TNFSF4: variants seen among roughly 807,000 people sequenced by gnomAD.
TNFSF4 encodes TNF superfamily member 4, also known as tumor necrosis factor ligand superfamily member 4.
In TNFSF4, 4 loss-of-function variants were observed where a neutral mutation model predicts 7.3. The ratio of observed to expected loss-of-function variants is 0.55; its 90% CI spans 0.27 to 1.25. TNFSF4 has a LOEUF of 1.25. TNFSF4 is among the 50% of genes most tolerant of loss of function. The probability of loss-of-function intolerance (pLI) is 0.12; values close to 1 mark genes in which losing one functional copy is unlikely to be tolerated. For synonymous variants in TNFSF4, 76 were observed against 83.7 expected (o/e 0.91, Z 0.50); for missense variants, 181 against 208.8 (o/e 0.87, Z 0.82).
chr1:173,364,655 G>A, the TNFSF4 span, among the ~76,000 whole-genome samples: 1 of 151,930 alleles, frequency 6.6e-6, no homozygotes, highest in African/African-American at 2.4e-5. Flanking sequence ...AATCAGGATC[G>A]CATTACAATT....
the TNFSF4 span, chr1:173,418,344 T>G: frequency 3.9e-5 from 6 of 152,238 alleles, no homozygotes; most frequent in Non-Finnish European, 8.8e-5. Flanking sequence ...CCCTATAGTA[T>G]GGGTGTGCAT....
chr1:173,284,727 G>T, the TNFSF4 span, among the ~76,000 whole-genome samples: 1 of 152,172 alleles, frequency 6.6e-6, no homozygotes, highest in South Asian at 2.1e-4. Flanking sequence ...GAACAACAAA[G>T]GCTGAATGAC....
chr1:173,371,228 T>C, the TNFSF4 span, among the ~76,000 whole-genome samples: 1 of 152,236 alleles, frequency 6.6e-6, no homozygotes, highest in East Asian at 1.9e-4. Context: ...ATCTGAGGAA[T>C]CCTGGGACAG....
At chr1:173,259,855 A>AAACC in the TNFSF4 span, among the ~76,000 whole-genome samples, 1 of 152,180 alleles carries the variant, frequency 6.6e-6, no homozygotes, top group Non-Finnish European at 1.5e-5. Context: ...TAAAAAGACC[A>AAACC]AACCTACAAC....
At chr1:173,303,543 C>T in the TNFSF4 span, among the ~76,000 whole-genome samples, 1 of 151,882 alleles carries the variant, frequency 6.6e-6, no homozygotes, top group East Asian at 1.9e-4. Flanking sequence ...TCCGAGATGA[C>T]GGCGCTCCTG....
At chr1:173,309,548 G>A in the TNFSF4 span, among the ~76,000 whole-genome samples, 1 of 151,748 alleles carries the variant, frequency 6.6e-6, no homozygotes, top group Non-Finnish European at 1.5e-5. Context: ...ACTTGATGGG[G>A]ATATAGTATC....
the TNFSF4 span, among the ~76,000 whole-genome samples, chr1:173,251,538 G>A: frequency 3.3e-5 from 5 of 152,298 alleles, no homozygotes; most frequent in Middle Eastern, 3.4e-3. Flanking sequence ...CCCTCAAGAT[G>A]TCTGAAAGGG....
chr1:173,422,066 A>G, the TNFSF4 span, among the ~76,000 whole-genome samples: 12 of 152,098 alleles, frequency 7.9e-5, no homozygotes, highest in Middle Eastern at 6.8e-3. Context: ...CTCCCCCACA[A>G]TGTCAAGGTT....
chr1:173,389,234 C>T, the TNFSF4 span, among the ~76,000 whole-genome samples: 1 of 152,148 alleles, frequency 6.6e-6, no homozygotes, highest in Admixed American at 6.5e-5. Flanking sequence ...AGGACACCCA[C>T]ATTTATTTAG....
At chr1:173,280,909 C>T in the TNFSF4 span, among the ~76,000 whole-genome samples, 6,794 of 152,114 alleles carry the variant, frequency 0.045, 179 homozygotes, top group African/African-American at 0.072. Flanking sequence ...TTTAAACTCC[C>T]GGGCAATAAC....
the TNFSF4 span, among the ~76,000 whole-genome samples, chr1:173,447,377 A>T: frequency 6.6e-6 from 1 of 152,102 alleles, no homozygotes; most frequent in Non-Finnish European, 1.5e-5. Flanking sequence ...CCCTTATGTA[A>T]ATTATGGACT....
At chr1:173,299,605 C>CTT in the TNFSF4 span, among the ~76,000 whole-genome samples, 1 of 151,920 alleles carries the variant, frequency 6.6e-6, no homozygotes, top group Non-Finnish European at 1.5e-5. Flanking sequence ...AAAAGATCCA[C>CTT]AGGAGGTAAC....
In TNFSF4 at chr1:173,185,103, A is replaced by C. The variant is rs750679543; in HGVS notation, c.*1413T>G. 6.6e-5 allele frequency: 10 copies of C among 152,362 alleles called. No homozygotes were observed. Among genetic ancestry groups the C allele is most frequent in the Non-Finnish European group, 1.0e-4 (7 of 68,044 alleles). 9.4% of individuals were successfully genotyped at this position (152,362 alleles called of 1,614,324 possible). A position where few individuals can be genotyped will look rare whatever the true frequency, so the allele number is the denominator to read the frequency against. On this transcript the variant is annotated 3_prime_UTR_variant, in exon 3 of 3. Coordinates refer to ENST00000281834, the MANE Select transcript of TNFSF4 (RefSeq NM_003326.5). ...GAGATTCTAGAGATAATTGTAGCAC[A>C]GTACAATTCCTTGATAACACAGAAT... is the stretch of plus-strand genomic sequence containing the variant.
the TNFSF4 span, among the ~76,000 whole-genome samples, chr1:173,352,346 C>T: frequency 1.4e-4 from 22 of 152,138 alleles, 1 homozygote; most frequent in Admixed American, 9.8e-4. Flanking sequence ...GCAAGTGGAT[C>T]GGGGGAACCA....
chr1:173,390,737 C>CTTTTTT, the TNFSF4 span, among the ~76,000 whole-genome samples: 10 of 131,568 alleles, frequency 7.6e-5, no homozygotes, highest in Admixed American at 7.9e-5. Flanking sequence ...CATTCTGCTT[C>CTTTTTT]TTTTTTTTTT....
the TNFSF4 span, among the ~76,000 whole-genome samples, chr1:173,449,338 CTTCT>C: frequency 0.14 from 21,316 of 150,412 alleles, 1,815 homozygotes; most frequent in East Asian, 0.28. Context: ...TTTCTCTTTT[CTTCT>C]TTCTTTCTTT....
the TNFSF4 span, among the ~76,000 whole-genome samples, chr1:173,416,471 G>A: frequency 3.0e-4 from 45 of 152,220 alleles, no homozygotes; most frequent in African/African-American, 1.1e-3. Context: ...ACCTGTGGAG[G>A]GTGGGCAGTG....
chr1:173,199,849 A>T (rs557312292), intron 1 of TNFSF4, among the ~76,000 whole-genome samples: 5,280 of 132,582 alleles, frequency 0.04, 124 homozygotes, highest in Admixed American at 0.055. Flanking sequence ...TTATCATTTA[A>T]AAAAAATGCA....
At chr1:173,261,272 G>A in the TNFSF4 span, among the ~76,000 whole-genome samples, 1 of 152,274 alleles carries the variant, frequency 6.6e-6, no homozygotes. Flanking sequence ...AAAGTTCTTT[G>A]AAACTAGTGA....
Sources: gnomAD v4.1 joint callset for allele counts (sites outside exome capture counted in the v4.1 genomes callset) on GRCh38, gnomAD v4.1.1 for gene constraint, MANE v1.5 for transcripts, NCBI Gene and HGNC (gene_info 2026-07-23, HGNC 2026-07-21) for gene names.